The following ENPP6 variants were observed in gnomAD, a reference collection of about 807,000 sequenced individuals.
ENPP6 encodes the protein ectonucleotide pyrophosphatase/phosphodiesterase 6, also known as glycerophosphocholine cholinephosphodiesterase ENPP6.
ENPP6 carries 32 observed loss-of-function variants against 42.0 expected under a neutral mutation model. The ratio of observed to expected loss-of-function variants is 0.76; its 90% CI spans 0.58 to 1.02. The LOEUF is 1.02. Ranked by LOEUF, ENPP6 falls within the 50% of genes least tolerant of loss-of-function variation. The pLI is 0.00. For missense variants in ENPP6, 552 were observed against 566.8 expected, an observed-to-expected ratio of 0.97 and a Z score of 0.27; for synonymous variants, 213 against 216.0, an observed-to-expected ratio of 0.99 and a Z score of 0.12.
At chr4:184,107,686 T>C (rs900350212) in intron 6 of ENPP6, among the ~76,000 whole-genome samples, 75 of 152,206 alleles carry the variant, frequency 4.9e-4, no homozygotes, top group African/African-American at 1.8e-3. Context: ...GAGGCTGAGG[T>C]GGGCGGATCA....
intron 1 of ENPP6, among the ~76,000 whole-genome samples, chr4:184,183,516 CACAT>C (rs371819574): frequency 6.4e-4 from 96 of 149,038 alleles, no homozygotes; most frequent in African/African-American, 2.1e-3. Context: ...CACACACACA[CACAT>C]TCACACACAC....
At chr4:184,153,450 C>T in intron 2 of ENPP6, 104 bp downstream of exon 2, 2 of 1,313,820 alleles carry the variant, frequency 1.5e-6, no homozygotes, top group Non-Finnish European at 2.1e-6. Flanking sequence ...ATAAAGATCC[C>T]ATTTTCCAAA....
chr4:184,162,669 C>G (rs1737286521), intron 1 of ENPP6, among the ~76,000 whole-genome samples: 1 of 152,112 alleles, frequency 6.6e-6, no homozygotes, highest in African/African-American at 2.4e-5. Flanking sequence ...TAGGATAGTC[C>G]TCATGCCAGT....
intron 1 of ENPP6, among the ~76,000 whole-genome samples, chr4:184,199,124 C>A (rs748115840): frequency 6.6e-6 from 1 of 152,192 alleles, no homozygotes; most frequent in Non-Finnish European, 1.5e-5. Flanking sequence ...ACACAGATCA[C>A]GCTGCTTGGA....
At chr4:184,180,134 GA>G (rs1732529590) in intron 1 of ENPP6, among the ~76,000 whole-genome samples, 25 of 151,896 alleles carry the variant, frequency 1.6e-4, no homozygotes, top group Admixed American at 1.6e-3. Flanking sequence ...GACTAATAAA[GA>G]AGAAAAGAAA....
intron 6 of ENPP6, among the ~76,000 whole-genome samples, chr4:184,105,938 T>C (rs760891305): frequency 1.3e-5 from 2 of 152,238 alleles, no homozygotes; most frequent in African/African-American, 2.4e-5. Context: ...GTTCTTCCCA[T>C]GAGCTATGAA....
intron 6 of ENPP6, 36 bp downstream of exon 6, chr4:184,112,636 G>T (rs1373866320): frequency 1.3e-6 from 2 of 1,598,182 alleles, no homozygotes; most frequent in Non-Finnish European, 1.7e-6. Context: ...TATAGAATTT[G>T]CATAGAGAAT....
chr4:184,188,928 A>C (rs1732676161), intron 1 of ENPP6, among the ~76,000 whole-genome samples: 1 of 152,158 alleles, frequency 6.6e-6, no homozygotes, highest in Non-Finnish European at 1.5e-5. Context: ...AAAGATTCCT[A>C]GGAAGCAAAA....
chr4:184,094,365 T>C (rs531220229), intron 7 of ENPP6, among the ~76,000 whole-genome samples: 3 of 152,362 alleles, frequency 2.0e-5, no homozygotes, highest in South Asian at 2.1e-4. Flanking sequence ...TTAGAAAATA[T>C]TATCTTTTTA....
intron 1 of ENPP6, among the ~76,000 whole-genome samples, chr4:184,158,125 C>T (rs1737205016): frequency 6.6e-6 from 1 of 152,192 alleles, no homozygotes; most frequent in South Asian, 2.1e-4. Flanking sequence ...GAAATGGTCT[C>T]TGTCTTTGGC....
At chr4:184,195,620 G>A (rs909293668) in intron 1 of ENPP6, among the ~76,000 whole-genome samples, 14 of 152,026 alleles carry the variant, frequency 9.2e-5, no homozygotes, top group African/African-American at 3.4e-4. Flanking sequence ...CTGGCAACTC[G>A]CCTTCTACGC....
chr4:184,180,582 C>G (rs1256056122), intron 1 of ENPP6, among the ~76,000 whole-genome samples: 1 of 152,178 alleles, frequency 6.6e-6, no homozygotes, highest in Admixed American at 6.5e-5. Context: ...GGCCAATATC[C>G]CTCATGAACA....
At chr4:184,099,245 G>T (rs1269796367) in intron 6 of ENPP6, among the ~76,000 whole-genome samples, 3 of 152,246 alleles carry the variant, frequency 2.0e-5, no homozygotes, top group Non-Finnish European at 4.4e-5. Context: ...CCAGTGAGGT[G>T]TCACCTTGCA....
chr4:184,161,839 C>T (rs926044746), intron 1 of ENPP6, among the ~76,000 whole-genome samples: 1 of 147,666 alleles, frequency 6.8e-6, no homozygotes, highest in Non-Finnish European at 1.5e-5. Flanking sequence ...TATGAGGATG[C>T]AAAGGCATAA....
chr4:184,116,849 G>T lies in ENPP6; in HGVS notation c.855+7C>A, dbSNP rs373943495. ...GCCCTCCTCCGCCCCCCACGGGTCT[G>T]TCTTGCCTCAGAGTGTTTCCCAGGG... On this transcript the variant is annotated splice_region_variant and intron_variant, in intron 5 of 7. Transcript: ENST00000296741. 1.2e-6 allele frequency: 2 copies of T among 1,613,028 alleles called. No homozygotes were observed. The highest frequency in any genetic ancestry group is 2.7e-5 in the African/African-American group (2 of 74,908).
At chr4:184,174,573 A>T (rs535056338) in intron 1 of ENPP6, among the ~76,000 whole-genome samples, 121 of 37,544 alleles carry the variant, frequency 3.2e-3, no homozygotes, top group African/African-American at 6.4e-3. Flanking sequence ...TCTGAAGCAG[A>T]TGTTTTACCT....
chr4:184,145,342 C>G (rs1205258358), intron 2 of ENPP6, among the ~76,000 whole-genome samples: 6 of 152,124 alleles, frequency 3.9e-5, no homozygotes, highest in Non-Finnish European at 5.9e-5. Context: ...TCCTTTCTAT[C>G]CTCTCCCCTT....
At chr4:184,126,346 A>G (rs1352993261) in intron 2 of ENPP6, among the ~76,000 whole-genome samples, 1 of 152,220 alleles carries the variant, frequency 6.6e-6, no homozygotes, top group Non-Finnish European at 1.5e-5. Context: ...TTATTGATTA[A>G]TTACATGTAA....
chr4:184,154,512 C>T (rs781621846), intron 1 of ENPP6, among the ~76,000 whole-genome samples: 61 of 152,182 alleles, frequency 4.0e-4, no homozygotes, highest in Admixed American at 2.7e-3. Context: ...GGCACCAGGA[C>T]GAAACATGCT....
Sources: allele counts gnomAD v4.1 joint callset (sites outside exome capture counted in the v4.1 genomes callset), GRCh38; gene constraint gnomAD v4.1.1; transcripts MANE v1.5; gene names NCBI Gene and HGNC (gene_info 2026-07-23, HGNC 2026-07-21).